PAIP1: variants seen among roughly 807,000 people sequenced by gnomAD.
PAIP1 encodes poly(A) binding protein interacting protein 1.
Under a neutral mutation model 61.3 loss-of-function variants are expected in PAIP1, and 16 were observed. The observed-to-expected ratio is 0.26, with a 90% CI of 0.18 to 0.40. The LOEUF (loss-of-function observed/expected upper bound fraction) is 0.40, where lower values mean the gene tolerates loss of function less well. PAIP1 is among the 10% of genes least tolerant of loss of function. The pLI, the probability that PAIP1 is intolerant of heterozygous loss-of-function variation, is 1.00. For synonymous variants in PAIP1, 187 were observed against 226.2 expected (o/e 0.83, Z 1.56); for missense variants, 416 against 600.9 (o/e 0.69, Z 3.22).
intron 3 of PAIP1, among the ~76,000 whole-genome samples, chr5:43,546,095 C>T (rs765461386): frequency 2.0e-5 from 3 of 152,136 alleles, no homozygotes; most frequent in Non-Finnish European, 4.4e-5. Flanking sequence ...TTTTGTAATA[C>T]TTCCTCGTTT....
At chr5:43,543,183 A>C (rs955532485) in intron 3 of PAIP1, 67 bp from the exon 4 acceptor site, 3 of 771,850 alleles carry the variant, frequency 3.9e-6, no homozygotes, top group Non-Finnish European at 6.6e-6. Context: ...ACTTAACAGC[A>C]ACATTCTAAA....
At chr5:43,542,902 C>A (rs1747470138) in intron 4 of PAIP1, 102 bp downstream of exon 4, 6 of 632,116 alleles carry the variant, frequency 9.5e-6, no homozygotes, top group African/African-American at 3.7e-5. Flanking sequence ...GAATAGGCTG[C>A]CCTATTCTTT....
Position 43,556,609 on chromosome 5 carries a change from G to T in PAIP1, c.238C>A (p.Arg80=). Residue 80 remains arginine, a synonymous_variant, in exon 1 of 11, where the codon CGG becomes AGG. Transcript: ENST00000306846. ...GGGAGCGCCCCGGGCCGGGAAGGCC[G>T]CTGGGGGCTGGCGGGGACCTCGCAC... The part of the protein sequence containing the change: ...AQCEVPASPQ[R]PSRPGALPEQ... The T allele has an allele frequency of 2.4e-6, 3 of 1,255,120 alleles. No homozygotes were observed. The highest frequency in any genetic ancestry group is 3.0e-6 in the Non-Finnish European group (3 of 996,714). The allele number at this position is 1,255,120 out of a possible 1,614,324, so 77.7% of individuals were successfully genotyped here.
rs1438057048 is a variant in PAIP1 at position 43,536,816 on chromosome 5, T to C, written c.972+3A>G. 5 of 1,444,606 alleles carry C rather than the reference T, an allele frequency of 3.5e-6. No individual in the cohort carries two copies. The highest frequency in any genetic ancestry group is 4.7e-6 in the Non-Finnish European group (5 of 1,055,120). 89.5% of individuals were successfully genotyped at this position (1,444,606 alleles called of 1,614,324 possible). ...ATTAGTTAAATTAAAAAAAAAAACC[T>C]ACCTTTAACAATTTTACTGCACAAA... On this transcript the variant is annotated splice_donor_region_variant and intron_variant, in intron 6 of 10. Coordinates refer to ENST00000306846, the MANE Select transcript of PAIP1 (RefSeq NM_006451.5).
chr5:43,528,158 A>G (rs1341362397), intron 10 of PAIP1, among the ~76,000 whole-genome samples: 1 of 152,238 alleles, frequency 6.6e-6, no homozygotes, highest in East Asian at 1.9e-4. Context: ...GCCATCTTAA[A>G]AAGATATGCA....
At chr5:43,531,787 C>A (rs1488536914) in intron 9 of PAIP1, among the ~76,000 whole-genome samples, 1 of 151,332 alleles carries the variant, frequency 6.6e-6, no homozygotes, top group Non-Finnish European at 1.5e-5. Context: ...ACTTTTGTAA[C>A]TTTTCTGTAA....
chr5:43,543,614 G>A (rs956449457), intron 3 of PAIP1, among the ~76,000 whole-genome samples: 2 of 151,850 alleles, frequency 1.3e-5, no homozygotes, highest in African/African-American at 4.8e-5. Context: ...GTGATTAATG[G>A]TAACTGGCAC....
rs755324920 is a variant in PAIP1 at position 43,529,866 on chromosome 5, T to C, written c.1266A>G (p.Lys422=). ...CCTCTCTTTCAAGTAATTCTTGGTA[T>C]TTCTCTTGGTAATCTGTAAGACAAC... The part of the protein sequence containing the change: ...FTAADPDYQE[K]YQELLEREDF... Residue 422 remains lysine (K), a synonymous_variant, in exon 10 of 11, where the codon AAA becomes AAG. Transcript: ENST00000306846. The C allele has an allele frequency of 2.7e-5, 39 of 1,446,008 alleles. No individual in the cohort carries two copies. The highest frequency in any genetic ancestry group is 3.6e-5 in the Non-Finnish European group (37 of 1,026,762). The allele number at this position is 1,446,008 out of a possible 1,614,324, so 89.6% of individuals were successfully genotyped here.
chr5:43,531,244 G>C (rs1056720644), intron 9 of PAIP1, among the ~76,000 whole-genome samples: 1 of 151,540 alleles, frequency 6.6e-6, no homozygotes, highest in Non-Finnish European at 1.5e-5. Flanking sequence ...CCTACTCTGT[G>C]GCTCCTGGCA....
chr5:43,555,622 G>A lies in PAIP1; in HGVS notation c.435+208C>T, dbSNP rs558108699. Among the ~76,000 whole-genome samples, 7 of 152,276 alleles carry A rather than the reference G, an allele frequency of 4.6e-5. No homozygotes were observed. In the South Asian group the frequency reaches 1.5e-3, roughly 32 times the overall value. Reference sequence around the variant, plus strand: ...ACAAGAACACAGATGTGTATCTCAAGCTTACATTCTAATACCTTGAATATA... The same window carrying A: ...ACAAGAACACAGATGTGTATCTCAAACTTACATTCTAATACCTTGAATATA... On this transcript the variant is annotated intron_variant, in intron 2 of 10. Transcript: ENST00000306846.
Position 43,556,637 on chromosome 5 carries a change from G to C in PAIP1, c.210C>G (p.Ala70=), listed in dbSNP as rs1339881369. The stretch of plus-strand genomic sequence containing the variant: ...GGGGGCTGGCGGGGACCTCGCACTG[G>C]GCCCCTGGCGGCGGGGTCGTCCTGG... ...RQPRTTPPPG[A]QCEVPASPQR... The change falls in exon 1 of 11, where the codon GCC becomes GCG. Residue 70 remains alanine (A), a synonymous_variant. Coordinates refer to ENST00000306846, the MANE Select transcript of PAIP1 (RefSeq NM_006451.5). The C allele has an allele frequency of 2.4e-6, 3 of 1,263,118 alleles. No individual in the cohort carries two copies. Among genetic ancestry groups the C allele is most frequent in the African/African-American group, 3.1e-5 (2 of 64,484 alleles). The allele number at this position is 1,263,118 out of a possible 1,614,324, so 78.2% of individuals were successfully genotyped here.
chr5:43,552,121 T>G (rs930265708), intron 2 of PAIP1, among the ~76,000 whole-genome samples: 1 of 152,198 alleles, frequency 6.6e-6, no homozygotes, highest in Non-Finnish European at 1.5e-5. Context: ...TGTCAAGAGA[T>G]GAGAACCTAT....
chr5:43,540,842 G>C (rs549357281), intron 4 of PAIP1, among the ~76,000 whole-genome samples: 1 of 152,160 alleles, frequency 6.6e-6, no homozygotes, highest in South Asian at 2.1e-4. Flanking sequence ...CCATGTCCTA[G>C]CTCCACCTCG....
chr5:43,541,914 C>T (rs969663169), intron 4 of PAIP1, among the ~76,000 whole-genome samples: 2 of 151,994 alleles, frequency 1.3e-5, no homozygotes, highest in African/African-American at 2.4e-5. Context: ...TGGTGGCTCA[C>T]GCCTGTAATC....
intron 1 of PAIP1, 196 bp from the exon 2 acceptor site, chr5:43,556,195 GGGCATACCTGC>G: frequency 7.4e-7 from 1 of 1,348,038 alleles, no homozygotes; most frequent in Non-Finnish European, 9.5e-7. Context: ...ACTCCGTTAT[GGGCATACCTGC>G]CTCTCAAATG....
chr5:43,538,926 C>G lies in PAIP1; in HGVS notation c.844G>C (p.Glu282Gln). Reference sequence around the variant, plus strand: ...TTAACAAAAGAAAAACTTCTCACCTCCAGGTTAAGATAAAGTTCTCCCAGA... The same window carrying G: ...TTAACAAAAGAAAAACTTCTCACCTGCAGGTTAAGATAAAGTTCTCCCAGA... The part of the protein sequence containing the change: ...LFLGELYLNL[E>Q]IKGTNGQVTR... Residue 282 changes from glutamate to glutamine, a missense_variant and splice_region_variant, in exon 5 of 11, where the codon GAG (glutamate) becomes CAG (glutamine). Around this residue, in one of 4 missense-constraint regions of PAIP1, gnomAD observed 135 missense variants for 283.9 expected, o/e 0.48. Coordinates refer to ENST00000306846, the MANE Select transcript of PAIP1 (RefSeq NM_006451.5). 6.4e-7 allele frequency: 1 copy of G among 1,563,354 alleles called. No homozygotes were observed. The highest frequency in any genetic ancestry group is 1.1e-5 in the South Asian group (1 of 89,914).
chr5:43,532,078 A>C (rs1746964673), intron 9 of PAIP1, among the ~76,000 whole-genome samples: 1 of 152,214 alleles, frequency 6.6e-6, no homozygotes, highest in African/African-American at 2.4e-5. Context: ...CGTTTAAGAA[A>C]AAGAAACTGA....
intron 5 of PAIP1, among the ~76,000 whole-genome samples, chr5:43,537,494 C>A (rs1747200772): frequency 6.6e-6 from 1 of 151,950 alleles, no homozygotes; most frequent in South Asian, 2.1e-4. Flanking sequence ...TAAGATTTTT[C>A]AAAAAACTAA....
At chr5:43,545,098 T>C (rs111545564) in intron 3 of PAIP1, among the ~76,000 whole-genome samples, 5,784 of 152,334 alleles carry the variant, frequency 0.038, 178 homozygotes, top group Non-Finnish European at 0.051. Context: ...TTGTCTTCCC[T>C]AGATTCAGTT....
Sources: allele counts gnomAD v4.1 joint callset (sites outside exome capture counted in the v4.1 genomes callset), GRCh38; gene constraint gnomAD v4.1.1; regional missense constraint gnomAD v4.1.1; transcripts MANE v1.5; gene names NCBI Gene and HGNC (gene_info 2026-07-23, HGNC 2026-07-21).